The following KIF1B variants were observed in gnomAD, a reference collection of about 807,000 sequenced individuals.
The protein encoded by KIF1B is kinesin family member 1B.
A neutral mutation model predicts 241.9 loss-of-function variants in KIF1B; 76 were observed. The ratio of observed to expected loss-of-function variants is 0.31; its 90% confidence interval spans 0.26 to 0.38. The LOEUF (loss-of-function observed/expected upper bound fraction) is 0.38. KIF1B is among the 10% of genes least tolerant of loss of function. The pLI is 1.00. For missense variants in KIF1B, 1,622 were observed against 2,271.4 expected (o/e 0.71, Z 5.81); for synonymous variants, 750 against 796.7 (o/e 0.94, Z 0.99).
At position 10,337,284 on chromosome 1, in the gene KIF1B, C is replaced by G; in HGVS notation, c.3259+81C>G. 1 of 1,611,780 alleles carries G rather than the reference C, an allele frequency of 6.2e-7. No individual in the cohort carries two copies. The highest frequency in any genetic ancestry group is 8.5e-7 in the Non-Finnish European group (1 of 1,177,914). On this transcript the variant is annotated intron_variant, in intron 30 of 48. Transcript: ENST00000676179. This position sits in a 1 kb window ranked among gnomAD's most constrained non-coding sequence, Gnocchi z 4.0. ...GACCATTATCAAGGGACATAGTGGC[C>G]TTCATCAACTAGGAATGGAAAGCAT...
intron 1 of KIF1B, among the ~76,000 whole-genome samples, chr1:10,214,673 C>CT (rs1288213832): frequency 6.6e-6 from 1 of 151,282 alleles, no homozygotes; most frequent in East Asian, 1.9e-4. Context: ...ACCTCCACCT[C>CT]CTGGGTTCAA....
rs143873384 is a variant in KIF1B, at chr1:10,268,348, A to G, written c.720+85A>G. The G allele has an allele frequency of 5.0e-5, 45 of 899,452 alleles. 1 individual carries two copies. The Middle Eastern group carries it at 7.1e-4, about 14-fold the overall frequency. 55.7% of individuals were successfully genotyped at this position (899,452 alleles called of 1,614,324 possible). A position where few individuals can be genotyped will look rare whatever the true frequency, so the allele number is the denominator to read the frequency against. On this transcript the variant is annotated intron_variant, in intron 7 of 48. Transcript: ENST00000676179. ...TTTTGTTGCCCTCTGCTTTTTGTGG[A>G]AGGTTGGGTGTTGGGGGGTGCTCTT...
chr1:10,253,089 T>C (rs1048936870), intron 2 of KIF1B, among the ~76,000 whole-genome samples: 2 of 152,084 alleles, frequency 1.3e-5, no homozygotes, highest in Admixed American at 1.3e-4. Context: ...TACATGTAGG[T>C]GTGCACATGT....
chr1:10,269,079 C>G (rs1648635522), intron 7 of KIF1B, among the ~76,000 whole-genome samples: 2 of 152,162 alleles, frequency 1.3e-5, no homozygotes, highest in Non-Finnish European at 2.9e-5. Context: ...GATTTTTAAG[C>G]TTCAAGTTAG....
At chr1:10,354,143 G>C (rs1652895629) in intron 38 of KIF1B, among the ~76,000 whole-genome samples, 1 of 152,186 alleles carries the variant, frequency 6.6e-6, no homozygotes, top group South Asian at 2.1e-4. Context: ...GGCTTTGTTA[G>C]AAGCAGCTTA....
At chr1:10,297,332 A>G in intron 22 of KIF1B, 86 bp downstream of exon 22, 1 of 1,172,966 alleles carries the variant, frequency 8.5e-7, no homozygotes, top group Non-Finnish European at 1.3e-6. Flanking sequence ...TACTCACCCA[A>G]ATTGCTTCTG....
intron 1 of KIF1B, among the ~76,000 whole-genome samples, chr1:10,224,042 A>G (rs1646879852): frequency 6.6e-6 from 1 of 152,164 alleles, no homozygotes; most frequent in South Asian, 2.1e-4. Context: ...AGCTCAAGCC[A>G]TCTGCCTGCC....
intron 10 of KIF1B, among the ~76,000 whole-genome samples, chr1:10,273,283 G>A (rs762019178): frequency 1.3e-5 from 2 of 152,174 alleles, no homozygotes; most frequent in African/African-American, 2.4e-5. Flanking sequence ...GCCGAGCATG[G>A]TGGCTCATGC....
At chr1:10,277,765 T>C (rs1649193857) in intron 12 of KIF1B, among the ~76,000 whole-genome samples, 1 of 152,244 alleles carries the variant, frequency 6.6e-6, no homozygotes, top group South Asian at 2.1e-4. Flanking sequence ...TTAAGTCCTC[T>C]CGCTGTTATT....
chr1:10,290,627 G>A (rs1649947790), intron 15 of KIF1B, among the ~76,000 whole-genome samples: 2 of 151,742 alleles, frequency 1.3e-5, no homozygotes, highest in Admixed American at 1.3e-4. Context: ...GATTACAGGC[G>A]CCTGCCACCA....
intron 4 of KIF1B, among the ~76,000 whole-genome samples, chr1:10,261,659 T>C (rs1648152828): frequency 6.6e-6 from 1 of 152,208 alleles, no homozygotes; most frequent in Non-Finnish European, 1.5e-5. Context: ...GTGACAGGAA[T>C]TTTCCAGCTT....
intron 2 of KIF1B, among the ~76,000 whole-genome samples, chr1:10,244,744 C>T (rs1229550615): frequency 6.6e-6 from 1 of 151,902 alleles, no homozygotes; most frequent in Non-Finnish European, 1.5e-5. Flanking sequence ...TCCCGAGTAG[C>T]TGGGACTACA....
chr1:10,273,012 A>AG lies in KIF1B; in HGVS notation c.865dup. 1.3e-6 allele frequency: 2 copies of AG among 1,546,340 alleles called. No individual in the cohort carries two copies. The highest frequency in any genetic ancestry group is 1.7e-6 in the Non-Finnish European group (2 of 1,143,408). On this transcript the variant is annotated splice_acceptor_variant, in intron 9 of 48. Transcript: ENST00000676179. LOFTEE classifies it high-confidence loss of function. ...TTCTCCTTTAAATGCTTTCACCTGTAGGATAACTGCACTAGCAAGGTACAG... is the reference window on the plus strand; with the variant it reads ...TTCTCCTTTAAATGCTTTCACCTGTAGGGATAACTGCACTAGCAAGGTACAG...
Position 10,379,560 on chromosome 1 carries a change from G to A in KIF1B, c.*2973G>A, listed in dbSNP as rs915252795. 4.3e-6 allele frequency: 1 copy of A among 231,858 alleles called. No homozygotes were observed. Among genetic ancestry groups the A allele is most frequent in the Non-Finnish European group, 8.5e-6 (1 of 117,242 alleles). 14.4% of individuals were successfully genotyped at this position (231,858 alleles called of 1,614,324 possible). ...ATGAGGCTCTAGTTGTTGCTGTTGT[G>A]GCGGGAAAGTTAAGAAACATAGCCC... On this transcript the variant is annotated 3_prime_UTR_variant, in exon 49 of 49. Coordinates refer to ENST00000676179, the MANE Select transcript of KIF1B (RefSeq NM_001365951.3).
chr1:10,335,841 GA>G lies in KIF1B; in HGVS notation c.3044-804del, dbSNP rs70997221. 4.1e-3 allele frequency among the ~76,000 whole-genome samples: 592 copies of G among 144,020 alleles called. 4 individuals carry two copies. Among genetic ancestry groups the G allele is most frequent in the African/African-American group, 0.014 (535 of 39,176 alleles). 94.5% of individuals were successfully genotyped at this position (144,020 alleles called of 152,430 possible). A position where few individuals can be genotyped will look rare whatever the true frequency, so the allele number is the denominator to read the frequency against. ...AGACCCCATCTCTTAAAAAACAATT[GA>G]AAAAAAAAAAAGATTTTGGTATTTT... On this transcript the variant is annotated intron_variant, in intron 28 of 48. Transcript: ENST00000676179.
intron 7 of KIF1B, among the ~76,000 whole-genome samples, chr1:10,268,931 G>A (rs771453613): frequency 5.3e-5 from 8 of 152,028 alleles, no homozygotes; most frequent in Non-Finnish European, 1.0e-4. Context: ...AAGATTAAGC[G>A]TTAATATAGG....
intron 1 of KIF1B, among the ~76,000 whole-genome samples, chr1:10,228,239 G>C (rs1347044853): frequency 6.6e-6 from 1 of 151,916 alleles, no homozygotes; most frequent in East Asian, 1.9e-4. Flanking sequence ...TGACTATTTG[G>C]TTATCCTGGA....
intron 22 of KIF1B, among the ~76,000 whole-genome samples, chr1:10,299,824 C>T (rs1650449471): frequency 1.3e-5 from 2 of 152,304 alleles, no homozygotes; most frequent in South Asian, 4.1e-4. Context: ...CTTGCAGAGT[C>T]TCTTTAGGAG....
intron 2 of KIF1B, among the ~76,000 whole-genome samples, chr1:10,243,122 A>G (rs1159238698): frequency 6.6e-6 from 1 of 152,186 alleles, no homozygotes; most frequent in Non-Finnish European, 1.5e-5. Flanking sequence ...GGGAGATTTT[A>G]CAATTCCTTT....
Sources: gnomAD v4.1 joint callset for allele counts (sites outside exome capture counted in the v4.1 genomes callset) on GRCh38, gnomAD v4.1.1 for gene constraint, Gnocchi (gnomAD v3.1) non-coding constraint, MANE v1.5 for transcripts, NCBI Gene and HGNC (gene_info 2026-07-23, HGNC 2026-07-21) for gene names.